NINL: variants seen among roughly 807,000 people sequenced by gnomAD.
The protein encoded by NINL is ninein-like protein.
NINL carries 153 observed loss-of-function variants against 160.3 expected under a neutral mutation model. That is an observed-to-expected ratio of 0.95 (90% confidence interval 0.84 to 1.09). The LOEUF is 1.09. NINL is among the 50% of genes least tolerant of loss of function. The probability of loss-of-function intolerance (pLI) is 0.00; values close to 1 mark genes in which losing one functional copy is unlikely to be tolerated. For synonymous variants in NINL, 800 were observed against 734.8 expected (o/e 1.09, Z -1.43); for missense variants, 1,829 against 1,764.0 (o/e 1.04, Z -0.66).
At chr20:25,472,968 C>T (rs1365767066) in intron 17 of NINL, among the ~76,000 whole-genome samples, 1 of 152,142 alleles carries the variant, frequency 6.6e-6, no homozygotes, top group Non-Finnish European at 1.5e-5. Context: ...AGGAACTACC[C>T]AAATGCCCAT....
At chr20:25,536,632 T>C (rs774291727) in intron 1 of NINL, among the ~76,000 whole-genome samples, 2 of 152,090 alleles carry the variant, frequency 1.3e-5, no homozygotes, top group Non-Finnish European at 2.9e-5. Flanking sequence ...GGCAAGAGAA[T>C]TGCTTGAGCC....
chr20:25,510,632 G>A (rs1296482197), intron 5 of NINL, 42 bp downstream of exon 5: 2 of 1,569,306 alleles, frequency 1.3e-6, no homozygotes. Context: ...TCAAAGCTCT[G>A]GGCAAAGGCA....
At chr20:25,577,258 T>C (rs2065125305) in intron 1 of NINL, among the ~76,000 whole-genome samples, 1 of 152,186 alleles carries the variant, frequency 6.6e-6, no homozygotes, top group African/African-American at 2.4e-5. Flanking sequence ...TACTCAGTTT[T>C]ACTCACTGGT....
intron 1 of NINL, among the ~76,000 whole-genome samples, chr20:25,533,216 A>G (rs1029632154): frequency 1.3e-5 from 2 of 152,136 alleles, no homozygotes; most frequent in African/African-American, 2.4e-5. Flanking sequence ...ACACACTCCA[A>G]TCCCTGGAGT....
intron 23 of NINL, 34 bp from the exon 24 acceptor site, chr20:25,453,676 G>T: frequency 6.4e-7 from 1 of 1,559,766 alleles, no homozygotes; most frequent in East Asian, 2.3e-5. Flanking sequence ...TTTGCATGAG[G>T]CCGGTGGAGA....
chr20:25,455,025 C>T (rs1196572450), intron 23 of NINL, among the ~76,000 whole-genome samples: 2 of 152,180 alleles, frequency 1.3e-5, no homozygotes, highest in Non-Finnish European at 2.9e-5. Flanking sequence ...CTGAGCCCTA[C>T]CAGTTCACAC....
At chr20:25,520,718 C>A (rs147085568) in intron 2 of NINL, among the ~76,000 whole-genome samples, 1 of 152,196 alleles carries the variant, frequency 6.6e-6, no homozygotes, top group Non-Finnish European at 1.5e-5. Context: ...ATCTTTCCAC[C>A]GTCTTCTGAC....
rs538032772 is a variant in NINL, at chr20:25,498,120, C to T, written c.1169+90G>A. 8.8e-6 allele frequency: 13 copies of T among 1,485,146 alleles called. No individual in the cohort carries two copies. The South Asian group carries it at 1.6e-4, about 18-fold the overall frequency. The allele number at this position is 1,485,146 out of a possible 1,614,324, so 92.0% of individuals were successfully genotyped here. On this transcript the variant is annotated intron_variant, in intron 9 of 23. Coordinates refer to ENST00000278886, the MANE Select transcript of NINL (RefSeq NM_025176.6). ...ACTGGCCATGTGGGGTGGATAAGAG[C>T]TGACTGGTGTCCTTTGTGTCCCAGA...
At chr20:25,520,827 T>C (rs372666797) in intron 2 of NINL, among the ~76,000 whole-genome samples, 21 of 152,362 alleles carry the variant, frequency 1.4e-4, no homozygotes, top group African/African-American at 5.1e-4. Context: ...TATTAAACTT[T>C]TCATCTTGAG....
chr20:25,538,719 G>A (rs2064604563), intron 1 of NINL, among the ~76,000 whole-genome samples: 1 of 151,966 alleles, frequency 6.6e-6, no homozygotes, highest in Non-Finnish European at 1.5e-5. Flanking sequence ...CCAGAGCTGG[G>A]GAGCACAGAA....
In NINL at chr20:25,540,001, GTAATAA is replaced by G. The variant is rs781223732; in HGVS notation, c.-11-13409_-11-13404del. On this transcript the variant is annotated intron_variant, in intron 1 of 23. Coordinates refer to ENST00000278886, the MANE Select transcript of NINL (RefSeq NM_025176.6). ...GCAGCCTCACAACAAGCAGCTCACT[GTAATAA>G]TACACACTGTTTACCTGCGCAGTTC... 3.9e-6 allele frequency: 5 copies of G among 1,287,082 alleles called. No individual in the cohort carries two copies. The South Asian group carries it at 6.2e-5, about 16-fold the overall frequency. The allele number at this position is 1,287,082 out of a possible 1,614,324, so 79.7% of individuals were successfully genotyped here.
intron 10 of NINL, among the ~76,000 whole-genome samples, chr20:25,492,334 C>T (rs1436609850): frequency 6.6e-6 from 1 of 152,170 alleles, no homozygotes; most frequent in Non-Finnish European, 1.5e-5. Flanking sequence ...TATCAGCCTA[C>T]TCTTTAAAAA....
rs1298248030 is a variant in NINL, at chr20:25,455,766, C to A, written c.3864G>T (p.Leu1288=). ...DAQREEHEKQ[L]KATEERVEEA... Reference sequence around the variant, plus strand: ...CTTCCACCCGCTCTTCTGTGGCTTTCAGCTGTTTCTCATGTTCTTCCTGCC... The same window carrying A: ...CTTCCACCCGCTCTTCTGTGGCTTTAAGCTGTTTCTCATGTTCTTCCTGCC... The change falls in exon 23 of 24, where the codon CTG becomes CTT. Residue 1288 remains leucine (L), a synonymous_variant. Coordinates refer to ENST00000278886, the MANE Select transcript of NINL (RefSeq NM_025176.6). 2 of 1,614,126 alleles carry A rather than the reference C, an allele frequency of 1.2e-6. No homozygotes were observed. Among genetic ancestry groups the A allele is most frequent in the Non-Finnish European group, 1.7e-6 (2 of 1,179,958 alleles).
chr20:25,498,533 G>A (rs2063805134), intron 8 of NINL, among the ~76,000 whole-genome samples, 187 bp from the exon 9 acceptor site: 1 of 152,216 alleles, frequency 6.6e-6, no homozygotes, highest in Admixed American at 6.5e-5. Flanking sequence ...ACTCTGGTGG[G>A]CTGTCAATGG....
chr20:25,512,700 C>A, intron 4 of NINL, 134 bp downstream of exon 4: 1 of 1,144,362 alleles, frequency 8.7e-7, no homozygotes, highest in Non-Finnish European at 1.2e-6. Flanking sequence ...GACCAAGCTT[C>A]TGGCGACTCA....
At chr20:25,516,375 G>T (rs2146904799) in intron 3 of NINL, among the ~76,000 whole-genome samples, 1 of 152,110 alleles carries the variant, frequency 6.6e-6, no homozygotes, top group African/African-American at 2.4e-5. Context: ...GGAAAAGAAA[G>T]AAAAAGAAAA....
At chr20:25,507,097 T>A (rs2146841036) in intron 5 of NINL, among the ~76,000 whole-genome samples, 1 of 152,306 alleles carries the variant, frequency 6.6e-6, no homozygotes, top group East Asian at 1.9e-4. Context: ...AGCCCATGCC[T>A]TTTTAAAGAA....
intron 2 of NINL, among the ~76,000 whole-genome samples, chr20:25,519,888 C>T (rs894267140): frequency 6.6e-6 from 1 of 150,444 alleles, no homozygotes; most frequent in South Asian, 2.1e-4. Context: ...CCTGTAGACC[C>T]AGCTACCTGG....
chr20:25,561,947 TG>T (rs1386013844), intron 1 of NINL, among the ~76,000 whole-genome samples: 1 of 121,898 alleles, frequency 8.2e-6, no homozygotes, highest in Non-Finnish European at 1.7e-5. Flanking sequence ...GGGAGGGAGG[TG>T]GGGGGTCAGC....
Sources: gnomAD v4.1 joint callset for allele counts (sites outside exome capture counted in the v4.1 genomes callset) on GRCh38, gnomAD v4.1.1 for gene constraint, MANE v1.5 for transcripts, NCBI Gene and HGNC (gene_info 2026-07-23, HGNC 2026-07-21) for gene names.